Variants in SLC25A38 observed in about 807,000 individuals in gnomAD.
SLC25A38 encodes mitochondrial glycine transporter.
SLC25A38 carries 27 observed loss-of-function variants against 33.4 expected under a neutral mutation model. The observed-to-expected ratio is 0.81, with a 90% CI of 0.60 to 1.11. The LOEUF is 1.11. Ranked by LOEUF, SLC25A38 falls within the 50% of genes most tolerant of loss-of-function variation. SLC25A38 has a pLI of 0.00. For missense variants in SLC25A38, 344 were observed against 388.8 expected, an observed-to-expected ratio of 0.88 and a Z score of 0.97; for synonymous variants, 123 against 145.9, an observed-to-expected ratio of 0.84 and a Z score of 1.13.
At chr3:39,391,319 T>C in intron 3 of SLC25A38, 122 bp from the exon 4 acceptor site, 1 of 1,359,064 alleles carries the variant, frequency 7.4e-7, no homozygotes, top group African/African-American at 1.4e-5. Flanking sequence ...TGGTGTTCCT[T>C]CCACACCTTA....
In SLC25A38 at chr3:39,389,488, C is replaced by G. The variant is rs763790379; in HGVS notation, c.70-7C>G. Reference sequence around the variant, plus strand: ...AGCTACTGACACAATATTGTCTTATCCTGCAGTTACATCCGGTGATCAAGG... The same window carrying G: ...AGCTACTGACACAATATTGTCTTATGCTGCAGTTACATCCGGTGATCAAGG... On this transcript the variant is annotated splice_region_variant and splice_polypyrimidine_tract_variant and intron_variant, in intron 1 of 6. Coordinates refer to ENST00000650617, the MANE Select transcript of SLC25A38 (RefSeq NM_017875.4). This position sits in a 1 kb window ranked among gnomAD's most constrained non-coding sequence, Gnocchi z 4.5. The G allele has an allele frequency of 6.2e-7, 1 of 1,614,078 alleles. No individual in the cohort carries two copies. Among genetic ancestry groups the G allele is most frequent in the East Asian group, 2.2e-5 (1 of 44,892 alleles).
chr3:39,396,012 C>T (rs2041825063), intron 6 of SLC25A38, among the ~76,000 whole-genome samples: 1 of 151,962 alleles, frequency 6.6e-6, no homozygotes, highest in Non-Finnish European at 1.5e-5. Flanking sequence ...AGTTCGAGAC[C>T]AGCCTGGCCA....
Position 39,383,617 on chromosome 3 carries a change from G to A in SLC25A38, c.-108G>A, listed in dbSNP as rs2041671960. On this transcript the variant is annotated 5_prime_UTR_variant, in exon 1 of 7. Transcript: ENST00000650617. ...TCAGAGAGCCCGCGGCTTAAAGCGC[G>A]TCGCCTGGCTAGCGCCACCCCCTAG... 1.7e-5 allele frequency: 23 copies of A among 1,325,490 alleles called. No individual in the cohort carries two copies. In the South Asian group the frequency reaches 2.3e-4, roughly 13 times the overall value. 82.1% of individuals were successfully genotyped at this position (1,325,490 alleles called of 1,614,324 possible). A position where few individuals can be genotyped will look rare whatever the true frequency, so the allele number is the denominator to read the frequency against.
rs758384811 is a variant in SLC25A38 at position 39,383,793 on chromosome 3, G to A, written c.69G>A (p.Met23Ile). Residue 23 changes from methionine to isoleucine, a missense_variant and splice_region_variant, in exon 1 of 7, where the codon ATG (methionine) becomes ATA (isoleucine). This residue lies in a region of SLC25A38 where 269 missense variants were observed against 271.8 expected (regional missense o/e 0.99). Coordinates refer to ENST00000650617, the MANE Select transcript of SLC25A38 (RefSeq NM_017875.4). ...QDVGDTVETL[M>I]LHPVIKAFLC... ...TCGGAGACACGGTGGAAACGCTTAT[G>A]GTGAGGGCACTGCGGGGAAGGAAGG... The A allele has an allele frequency of 3.7e-6, 6 of 1,614,156 alleles. No homozygotes were observed. In the East Asian group the frequency reaches 1.3e-4, roughly 36 times the overall value.
In SLC25A38 at chr3:39,397,077, G is replaced by T; in HGVS notation, c.*557G>T. ...AGAGGCTCTGGAGAACGGGACAGTG[G>T]CTTTCTAGCCTCTGAATGTTCCAAA... On this transcript the variant is annotated 3_prime_UTR_variant, in exon 7 of 7. Transcript: ENST00000650617. 5.8e-6 allele frequency: 1 copy of T among 173,734 alleles called. No individual in the cohort carries two copies. The highest frequency in any genetic ancestry group is 1.3e-5 in the Non-Finnish European group (1 of 79,582). The allele number at this position is 173,734 out of a possible 1,614,324, so 10.8% of individuals were successfully genotyped here. A position where few individuals can be genotyped will look rare whatever the true frequency, so the allele number is the denominator to read the frequency against.
intron 1 of SLC25A38, among the ~76,000 whole-genome samples, chr3:39,388,215 T>G (rs1308333230): frequency 2.0e-5 from 3 of 152,210 alleles, no homozygotes; most frequent in African/African-American, 7.2e-5. Flanking sequence ...AGGGAGTTGA[T>G]GTAGATACAG....
At chr3:39,393,585 C>T (rs1489920826) in intron 5 of SLC25A38, among the ~76,000 whole-genome samples, 6 of 152,114 alleles carry the variant, frequency 3.9e-5, no homozygotes, top group Non-Finnish European at 8.8e-5. Flanking sequence ...CTGCAATCTC[C>T]TCCTCCCTGG....
In SLC25A38 at chr3:39,389,504, G is replaced by A; in HGVS notation, c.79G>A (p.Val27Met). The change falls in exon 2 of 7, where the codon GTG (valine) becomes ATG (methionine). Residue 27 changes from valine to methionine, a missense_variant. Transcript: ENST00000650617. This position sits in a 1 kb window ranked among gnomAD's most constrained non-coding sequence, Gnocchi z 4.5. ...TTGTCTTATCCTGCAGTTACATCCG[G>A]TGATCAAGGCTTTCCTGTGTGGCTC... ...DTVETLMLHPVIKAFLCGSIS... is the reference protein window; with the variant it reads ...DTVETLMLHPMIKAFLCGSIS... 4 of 1,614,172 alleles carry A rather than the reference G, an allele frequency of 2.5e-6. No individual in the cohort carries two copies. The highest frequency in any genetic ancestry group is 3.4e-6 in the Non-Finnish European group (4 of 1,180,022).
At chr3:39,384,621 G>C (rs1251659377) in intron 1 of SLC25A38, 1 of 398,176 alleles carries the variant, frequency 2.5e-6, no homozygotes, top group African/African-American at 2.1e-5. Flanking sequence ...GCCTCCAGAT[G>C]TGAATTGGAC....
At position 39,396,166 on chromosome 3, in the gene SLC25A38, C is replaced by T. The variant is rs569464182; in HGVS notation, c.793-232C>T. Among the ~76,000 whole-genome samples the T allele has an allele frequency of 3.3e-5, 5 of 151,812 alleles. No homozygotes were observed. In the South Asian group the frequency reaches 8.3e-4, roughly 25 times the overall value. On this transcript the variant is annotated intron_variant, in intron 6 of 6. Transcript: ENST00000650617. ...CAGAGGTTGCAGTGAGCCGAGATCG[C>T]GCCACTGCACTATAGCCTGGGCGAC...
chr3:39,389,888 G>A lies in SLC25A38; in HGVS notation c.191+272G>A, dbSNP rs1243361625. ...ATGTTATAACTGTATTGCCTGGCAT[G>A]AGAGTACCAGGGGATTTTCTGGAAA... On this transcript the variant is annotated intron_variant, in intron 2 of 6. Coordinates refer to ENST00000650617, the MANE Select transcript of SLC25A38 (RefSeq NM_017875.4). The surrounding 1 kb of genome is among the most constrained non-coding windows in gnomAD (Gnocchi z 4.5). Among the ~76,000 whole-genome samples the A allele has an allele frequency of 6.6e-6, 1 of 152,208 alleles. No individual in the cohort carries two copies. Among genetic ancestry groups the A allele is most frequent in the Non-Finnish European group, 1.5e-5 (1 of 68,048 alleles).
At chr3:39,390,756 C>G (rs2276715) in intron 3 of SLC25A38, among the ~76,000 whole-genome samples, 1 of 151,976 alleles carries the variant, frequency 6.6e-6, no homozygotes, top group South Asian at 2.1e-4. Context: ...TAATGTCCCA[C>G]CTGTCAGAAT....
intron 6 of SLC25A38, among the ~76,000 whole-genome samples, chr3:39,396,092 C>T (rs1372665953): frequency 6.6e-6 from 1 of 151,840 alleles, no homozygotes; most frequent in Non-Finnish European, 1.5e-5. Context: ...CGCCTGTAGT[C>T]CCACCTACTC....
chr3:39,392,562 AG>A (rs1403593442), intron 5 of SLC25A38, among the ~76,000 whole-genome samples: 3 of 152,062 alleles, frequency 2.0e-5, no homozygotes, highest in Non-Finnish European at 2.9e-5. Context: ...AACTTCAGTC[AG>A]TGGGGGAGGC....
chr3:39,392,346 C>A (rs901365837), intron 5 of SLC25A38, among the ~76,000 whole-genome samples: 1 of 152,124 alleles, frequency 6.6e-6, no homozygotes, highest in Non-Finnish European at 1.5e-5. Flanking sequence ...ATTGCTGGGT[C>A]CCATCCAAGG....
Position 39,391,907 on chromosome 3 carries a change from A to G in SLC25A38, c.511A>G (p.Ser171Gly). 6.2e-7 allele frequency: 1 copy of G among 1,614,084 alleles called. No homozygotes were observed. The highest frequency in any genetic ancestry group is 2.2e-5 in the East Asian group (1 of 44,882). ...IYAALRSIYH[S>G]EGHRGLFSGL... ...CGCTGCCCTGAGGAGCATCTATCAC[A>G]GTGAGGGGCACCGGGGCCTCTTCAG... Residue 171 changes from serine (S) to glycine (G), a missense_variant, in exon 5 of 7, where the codon AGT becomes GGT. Physicochemically the swap from Ser to Gly is moderately conservative, Grantham distance 56. This residue lies in a region of SLC25A38 where 269 missense variants were observed against 271.8 expected (regional missense o/e 0.99). Coordinates refer to ENST00000650617, the MANE Select transcript of SLC25A38 (RefSeq NM_017875.4).
At chr3:39,393,808 A>G (rs2041801661) in intron 5 of SLC25A38, among the ~76,000 whole-genome samples, 3 of 152,164 alleles carry the variant, frequency 2.0e-5, no homozygotes, top group Admixed American at 2.0e-4. Context: ...CCTACAGTCC[A>G]TATTCTGATT....
In SLC25A38 at chr3:39,389,212, G is replaced by A. The variant is rs2041734249; in HGVS notation, c.70-283G>A. The A allele has an allele frequency of 1.5e-6, 1 of 655,002 alleles. No individual in the cohort carries two copies. The highest frequency in any genetic ancestry group is 2.2e-5 in the Admixed American group (1 of 44,660). The allele number at this position is 655,002 out of a possible 1,614,324, so 40.6% of individuals were successfully genotyped here. A position where few individuals can be genotyped will look rare whatever the true frequency, so the allele number is the denominator to read the frequency against. On this transcript the variant is annotated intron_variant, in intron 1 of 6. Transcript: ENST00000650617. This position sits in a 1 kb window ranked among gnomAD's most constrained non-coding sequence, Gnocchi z 4.5. ...TTTTTGAGTCAGAACAAATAGGGAA[G>A]AGTGGTCAGTGGCATGGAAATAGTT...
In SLC25A38 at chr3:39,394,518, T is replaced by G. The variant is rs1382046624; in HGVS notation, c.734T>G (p.Met245Arg). ...CCTGCGGATGTTATCAAAACTCATATGCAGCTTTATCCACTGAAGTTTCAA... is the reference window on the plus strand; with the variant it reads ...CCTGCGGATGTTATCAAAACTCATAGGCAGCTTTATCCACTGAAGTTTCAA... Reference protein sequence around the residue: ...TQPADVIKTHMQLYPLKFQWI... With the variant: ...TQPADVIKTHRQLYPLKFQWI... Residue 245 changes from methionine to arginine, a missense_variant, in exon 6 of 7, where the codon ATG becomes AGG. Physicochemically the swap from Met to Arg is moderately conservative, Grantham distance 91 (BLOSUM62 -1). This residue lies in a region of SLC25A38 where 75 missense variants were observed against 117.0 expected (regional missense o/e 0.64). Transcript: ENST00000650617. 7 of 1,614,080 alleles carry G rather than the reference T, an allele frequency of 4.3e-6. No individual in the cohort carries two copies. Among genetic ancestry groups the G allele is most frequent in the Non-Finnish European group, 5.9e-6 (7 of 1,180,040 alleles).
Sources: gnomAD v4.1 joint callset for allele counts (sites outside exome capture counted in the v4.1 genomes callset) on GRCh38, gnomAD v4.1.1 for gene constraint, gnomAD v4.1.1 regional missense constraint, Gnocchi (gnomAD v3.1) non-coding constraint, MANE v1.5 for transcripts, NCBI Gene and HGNC (gene_info 2026-07-23, HGNC 2026-07-21) for gene names.